ROBO2: variants seen among roughly 807,000 people sequenced by gnomAD.
ROBO2 encodes the protein roundabout homolog 2.
ROBO2 carries 53 observed loss-of-function variants against 160.8 expected under a neutral mutation model. The observed-to-expected ratio is 0.33, with a 90% CI of 0.26 to 0.41. ROBO2 has a LOEUF of 0.41. Among genes scored for constraint, ROBO2 ranks in the 10% least tolerant of loss-of-function variants. ROBO2 has a pLI of 1.00. For missense variants in ROBO2, 1,577 were observed against 1,722.4 expected (o/e 0.92, Z 1.49); for synonymous variants, 664 against 611.7 (o/e 1.09, Z -1.26).
intron 1 of ROBO2, among the ~76,000 whole-genome samples, chr3:75,912,113 GTAATCAT>G (rs1461573397): frequency 1.3e-5 from 2 of 152,068 alleles, no homozygotes; most frequent in African/African-American, 4.8e-5. Flanking sequence ...CTAATGTTCT[GTAATCAT>G]TAAAGTATAG....
chr3:76,921,074 G>T (rs1559705574), intron 2 of ROBO2, among the ~76,000 whole-genome samples: 1 of 152,162 alleles, frequency 6.6e-6, no homozygotes, highest in Non-Finnish European at 1.5e-5. Context: ...TAAATTTTTA[G>T]TGAGTCCTTT....
At chr3:76,058,279 G>A (rs1388413168) in intron 2 of ROBO2, among the ~76,000 whole-genome samples, 1 of 152,020 alleles carries the variant, frequency 6.6e-6, no homozygotes, top group African/African-American at 2.4e-5. Flanking sequence ...ACAGGCCCCA[G>A]TGTGTGATGT....
chr3:77,644,153 A>C (rs1240992589), intron 24 of ROBO2, among the ~76,000 whole-genome samples: 1 of 152,114 alleles, frequency 6.6e-6, no homozygotes, highest in Non-Finnish European at 1.5e-5. Context: ...ATTTATTTAA[A>C]TGTGTGAGTT....
intron 2 of ROBO2, among the ~76,000 whole-genome samples, chr3:76,175,175 T>A (rs548324868): frequency 1.3e-5 from 2 of 152,142 alleles, no homozygotes; most frequent in African/African-American, 4.8e-5. Flanking sequence ...CTATTATTGG[T>A]GTATAGGAAC....
rs1416121585 is a variant in ROBO2 at position 76,824,655 on chromosome 3, T to G, written c.110-273359T>G. Among the ~76,000 whole-genome samples the G allele has an allele frequency of 2.0e-5, 3 of 152,114 alleles. No individual in the cohort carries two copies. In the East Asian group the frequency reaches 5.8e-4, roughly 29 times the overall value. Reference sequence around the variant, plus strand: ...ACACCAGTTGTTTGAATGTGGGAAGTTTAATATAATTATTAACTGCTAACT... The same window carrying G: ...ACACCAGTTGTTTGAATGTGGGAAGGTTAATATAATTATTAACTGCTAACT... On this transcript the variant is annotated intron_variant, in intron 2 of 26. Transcript: ENST00000487694.
At chr3:76,715,368 C>G (rs1208603145) in intron 2 of ROBO2, among the ~76,000 whole-genome samples, 2 of 152,128 alleles carry the variant, frequency 1.3e-5, no homozygotes, top group African/African-American at 2.4e-5. Context: ...AATACACATT[C>G]AACAAAGATG....
intron 2 of ROBO2, among the ~76,000 whole-genome samples, chr3:77,371,724 A>G (rs1230642925): frequency 6.6e-6 from 1 of 152,192 alleles, no homozygotes; most frequent in African/African-American, 2.4e-5. Flanking sequence ...TGAAAGTTTA[A>G]GAATGACCTG....
intron 2 of ROBO2, among the ~76,000 whole-genome samples, chr3:77,240,644 G>A (rs1252936648): frequency 5.9e-5 from 9 of 152,322 alleles, no homozygotes; most frequent in East Asian, 1.9e-4. Flanking sequence ...CTCTCACCTC[G>A]AATACTGTAT....
intron 2 of ROBO2, among the ~76,000 whole-genome samples, chr3:77,414,841 T>A (rs2077083207): frequency 1.3e-5 from 2 of 152,242 alleles, no homozygotes; most frequent in Admixed American, 6.5e-5. Context: ...CCAGACAGTG[T>A]TGTTGGAGTC....
intron 2 of ROBO2, among the ~76,000 whole-genome samples, chr3:76,682,642 G>A (rs904374431): frequency 1.1e-4 from 17 of 152,010 alleles, no homozygotes; most frequent in East Asian, 1.9e-4. Flanking sequence ...TCCTGACCTC[G>A]TGATCCACCT....
At chr3:76,766,997 A>G (rs1449677422) in intron 2 of ROBO2, among the ~76,000 whole-genome samples, 1 of 151,570 alleles carries the variant, frequency 6.6e-6, no homozygotes, top group African/African-American at 2.4e-5. Flanking sequence ...TATAAAGTTC[A>G]CAAGGAGATT....
rs1269235403 is a variant in ROBO2, at chr3:76,796,812, T to C, written c.110-301202T>C. On this transcript the variant is annotated intron_variant, in intron 2 of 26. Transcript: ENST00000487694. ...AGCAGGTATATCTACATTTGGATCA[T>C]ACAAAATAGACTTCAAGATAAAAAC... Among the ~76,000 whole-genome samples, 3 of 151,932 alleles carry C rather than the reference T, an allele frequency of 2.0e-5. No individual in the cohort carries two copies. The East Asian group carries it at 5.8e-4, about 29-fold the overall frequency.
chr3:77,013,135 C>T (rs1266087844), intron 2 of ROBO2, among the ~76,000 whole-genome samples: 6 of 151,930 alleles, frequency 3.9e-5, no homozygotes, highest in Non-Finnish European at 1.5e-5. Flanking sequence ...AAGCATTAGC[C>T]AATATTAATG....
intron 2 of ROBO2, among the ~76,000 whole-genome samples, chr3:76,549,147 T>C (rs1371388833): frequency 1.3e-5 from 2 of 152,182 alleles, no homozygotes; most frequent in Non-Finnish European, 2.9e-5. Context: ...ATTTGATAAT[T>C]AGAACATTCA....
chr3:77,073,096 T>C (rs1205738571), intron 1 of ROBO2, among the ~76,000 whole-genome samples: 1 of 152,174 alleles, frequency 6.6e-6, no homozygotes, highest in African/African-American at 2.4e-5. Flanking sequence ...GCTTAATAGA[T>C]ATGAAAACAA....
At chr3:77,565,016 T>A in exon 12 of ROBO2, 1 of 1,613,606 alleles carries the variant, frequency 6.2e-7, no homozygotes, top group African/African-American at 1.3e-5. Flanking sequence ...CTCTATACTG[T>A]AAGAGGACTG....
At chr3:77,572,636 AACACAC>A (rs71104692) in intron 13 of ROBO2, among the ~76,000 whole-genome samples, 1,850 of 146,378 alleles carry the variant, frequency 0.013, 37 homozygotes, top group African/African-American at 0.044. Context: ...CGTACATAGA[AACACAC>A]ACACACACAC....
chr3:77,519,486 T>C (rs1429108126), intron 5 of ROBO2, among the ~76,000 whole-genome samples: 12 of 151,132 alleles, frequency 7.9e-5, no homozygotes, highest in Admixed American at 6.6e-4. Context: ...CAACAGATAG[T>C]TTTTCAGCCC....
intron 2 of ROBO2, among the ~76,000 whole-genome samples, chr3:75,962,812 C>G (rs1341686197): frequency 5.3e-5 from 8 of 151,790 alleles, no homozygotes; most frequent in Non-Finnish European, 1.0e-4. Context: ...AGCTGCCAGA[C>G]AGATGTGTTA....
Sources: allele counts gnomAD v4.1 joint callset (sites outside exome capture counted in the v4.1 genomes callset), GRCh38; gene constraint gnomAD v4.1.1; transcripts MANE v1.5; gene names NCBI Gene and HGNC (gene_info 2026-07-23, HGNC 2026-07-21).